SLIT3: variants seen among roughly 807,000 people sequenced by gnomAD.
SLIT3 encodes the protein slit homolog 3 protein.
A neutral mutation model predicts 184.0 loss-of-function variants in SLIT3; 68 were observed. The observed-to-expected ratio is 0.37, with a 90% CI of 0.30 to 0.45. The LOEUF (loss-of-function observed/expected upper bound fraction) is 0.45. Among genes scored for constraint, SLIT3 ranks in the 20% least tolerant of loss-of-function variants. SLIT3 has a pLI of 1.00. For synonymous variants in SLIT3, 831 were observed against 828.6 expected (o/e 1.00, Z -0.05); for missense variants, 1,707 against 2,026.0 (o/e 0.84, Z 3.02).
At chr5:168,908,510 T>G (rs1244082035) in intron 4 of SLIT3, among the ~76,000 whole-genome samples, 1 of 152,158 alleles carries the variant, frequency 6.6e-6, no homozygotes, top group Non-Finnish European at 1.5e-5. Flanking sequence ...TGTCTCCAAT[T>G]CCCAGACCTT....
chr5:169,072,752 C>T (rs981434072), intron 4 of SLIT3, among the ~76,000 whole-genome samples: 4 of 152,218 alleles, frequency 2.6e-5, no homozygotes, highest in African/African-American at 9.6e-5. Context: ...GCTGGAGGCA[C>T]TGGCCAGAGT....
intron 4 of SLIT3, among the ~76,000 whole-genome samples, chr5:169,134,838 C>A (rs770739508): frequency 2.0e-5 from 3 of 152,168 alleles, no homozygotes; most frequent in Admixed American, 1.3e-4. Flanking sequence ...GCATTTATTG[C>A]AGCTTGGACT....
At chr5:168,757,558 C>T (rs1020564627) in intron 16 of SLIT3, among the ~76,000 whole-genome samples, 21 of 152,168 alleles carry the variant, frequency 1.4e-4, no homozygotes, top group African/African-American at 2.2e-4. Flanking sequence ...TTCAGCCCCC[C>T]GAGTAGCTGG....
At chr5:169,112,031 G>C (rs1249394513) in intron 4 of SLIT3, among the ~76,000 whole-genome samples, 2 of 152,204 alleles carry the variant, frequency 1.3e-5, no homozygotes, top group Non-Finnish European at 2.9e-5. Flanking sequence ...GAGCAAATGA[G>C]GGAGTTTGAA....
At chr5:169,205,996 C>T (rs1238078250) in intron 3 of SLIT3, among the ~76,000 whole-genome samples, 2 of 152,164 alleles carry the variant, frequency 1.3e-5, no homozygotes, top group African/African-American at 4.8e-5. Flanking sequence ...CATTCTTACA[C>T]CAGGTGGGAC....
rs140295348 is a variant in SLIT3, at chr5:169,053,031, T to G, written c.413+140448A>C. Among the ~76,000 whole-genome samples, 848 of 152,304 alleles carry G rather than the reference T, an allele frequency of 5.6e-3. 4 individuals are homozygous for G. The highest frequency in any genetic ancestry group is 0.02 in the African/African-American group (816 of 41,552). On this transcript the variant is annotated intron_variant, in intron 4 of 35. Coordinates refer to ENST00000519560, the MANE Select transcript of SLIT3 (RefSeq NM_003062.4). ...AGCTATCGGCACCGGATGAACCACATCAGAACAAGACCTGGATTATGAGGG... is the reference window on the plus strand; with the variant it reads ...AGCTATCGGCACCGGATGAACCACAGCAGAACAAGACCTGGATTATGAGGG...
At chr5:168,705,749 G>A (rs569011325) in intron 26 of SLIT3, among the ~76,000 whole-genome samples, 1 of 152,314 alleles carries the variant, frequency 6.6e-6, no homozygotes, top group Non-Finnish European at 1.5e-5. Context: ...CTGACGGTCA[G>A]GTCATGCTTC....
chr5:168,675,512 A>G (rs73802365), intron 32 of SLIT3, among the ~76,000 whole-genome samples: 5,484 of 152,256 alleles, frequency 0.036, 331 homozygotes, highest in African/African-American at 0.12. Context: ...AAAGGGGGAT[A>G]ATAACCTCAC....
At chr5:169,180,439 A>G (rs1763118699) in intron 4 of SLIT3, among the ~76,000 whole-genome samples, 1 of 152,206 alleles carries the variant, frequency 6.6e-6, no homozygotes, top group South Asian at 2.1e-4. Flanking sequence ...TTAAAACAAT[A>G]ATTGCGGCTG....
chr5:169,161,471 CCCGCATCCTG>C (rs1396627900), intron 4 of SLIT3, among the ~76,000 whole-genome samples: 1 of 152,150 alleles, frequency 6.6e-6, no homozygotes, highest in East Asian at 1.9e-4. Flanking sequence ...TTATTACTGA[CCCGCATCCTG>C]CCGCCTCCAC....
At chr5:169,151,137 C>G (rs766531146) in intron 4 of SLIT3, among the ~76,000 whole-genome samples, 4 of 152,128 alleles carry the variant, frequency 2.6e-5, no homozygotes, top group Non-Finnish European at 5.9e-5. Flanking sequence ...ACACCAGGAT[C>G]GACGTTTGAA....
chr5:169,137,281 C>T (rs933642686), intron 4 of SLIT3, among the ~76,000 whole-genome samples: 1 of 151,032 alleles, frequency 6.6e-6, no homozygotes, highest in Non-Finnish European at 1.5e-5. Context: ...CAATTAATCT[C>T]CCCCTCTTCT....
At chr5:169,261,187 T>C (rs78643618) in intron 1 of SLIT3, among the ~76,000 whole-genome samples, 12,346 of 152,232 alleles carry the variant, frequency 0.081, 742 homozygotes, top group Admixed American at 0.2. Context: ...TATGGAGTAA[T>C]TGGGGTGTAG....
intron 1 of SLIT3, among the ~76,000 whole-genome samples, chr5:169,275,146 A>G (rs1035830725): frequency 6.6e-6 from 1 of 152,252 alleles, no homozygotes; most frequent in African/African-American, 2.4e-5. Flanking sequence ...TAATAGCAGT[A>G]GCTGCTGAGA....
intron 33 of SLIT3, among the ~76,000 whole-genome samples, chr5:168,672,594 C>T (rs548966872): frequency 6.6e-6 from 1 of 152,202 alleles, no homozygotes; most frequent in South Asian, 2.1e-4. Context: ...CCCTGCCTCA[C>T]CCTCCAAAGT....
intron 4 of SLIT3, among the ~76,000 whole-genome samples, chr5:169,011,610 A>G (rs1756156089): frequency 6.6e-6 from 1 of 152,190 alleles, no homozygotes; most frequent in Admixed American, 6.5e-5. Flanking sequence ...AGCACACTCA[A>G]GACAGTCATT....
Position 168,815,707 on chromosome 5 carries a change from G to A in SLIT3, c.793+1593C>T, listed in dbSNP as rs1376281318. Among the ~76,000 whole-genome samples, 4 of 152,186 alleles carry A rather than the reference G, an allele frequency of 2.6e-5. 1 individual carries two copies. The highest frequency in any genetic ancestry group is 5.9e-5 in the Non-Finnish European group (4 of 68,040). ...AAATAACAACATGACAGGAGGAAGC[G>A]GCAGAGAATGAGATGAAGTTGAATT... On this transcript the variant is annotated intron_variant, in intron 8 of 35. Coordinates refer to ENST00000519560, the MANE Select transcript of SLIT3 (RefSeq NM_003062.4).
chr5:168,950,760 G>A (rs1762625347), intron 4 of SLIT3, among the ~76,000 whole-genome samples: 1 of 152,212 alleles, frequency 6.6e-6, no homozygotes, highest in South Asian at 2.1e-4. Context: ...CTGAAGAGCA[G>A]ATTCATGTTT....
intron 9 of SLIT3, among the ~76,000 whole-genome samples, chr5:168,803,962 T>C (rs893566168): frequency 1.4e-5 from 2 of 146,344 alleles, no homozygotes; most frequent in South Asian, 2.2e-4. Context: ...GGGAAGACCA[T>C]GGGTAGGGCA....
Sources: allele counts gnomAD v4.1 joint callset (sites outside exome capture counted in the v4.1 genomes callset), GRCh38; gene constraint gnomAD v4.1.1; transcripts MANE v1.5; gene names NCBI Gene and HGNC (gene_info 2026-07-23, HGNC 2026-07-21).